RPAP1: variants seen among roughly 807,000 people sequenced by gnomAD.
RPAP1 encodes the protein RNA polymerase II-associated protein 1.
In RPAP1, 109 loss-of-function variants were observed where a neutral mutation model predicts 142.4. The observed-to-expected ratio is 0.77, with a 90% CI of 0.66 to 0.90. The LOEUF (loss-of-function observed/expected upper bound fraction) is 0.90, where lower values mean the gene tolerates loss of function less well. RPAP1 is among the 40% of genes least tolerant of loss of function. The pLI is 0.00. For synonymous variants in RPAP1, 704 were observed against 738.9 expected (o/e 0.95, Z 0.77); for missense variants, 1,546 against 1,751.7 (o/e 0.88, Z 2.10).
chr15:41,527,428 T>C lies in RPAP1; in HGVS notation c.1606A>G (p.Ile536Val). 1 of 1,614,104 alleles carries C rather than the reference T, an allele frequency of 6.2e-7. No individual in the cohort carries two copies. The change falls in exon 12 of 25, where the codon ATC (isoleucine) becomes GTC (valine). Residue 536 changes from isoleucine to valine, a missense_variant. Ile to Val is a conservative substitution (Grantham distance 29, BLOSUM62 3). This residue lies in a region of RPAP1 where 1,333 missense variants were observed against 1,486.6 expected (regional missense o/e 0.90). Transcript: ENST00000304330. Reference protein sequence around the residue: ...PPPDLARHDVIKGLLATSLLP... With the variant: ...PPPDLARHDVVKGLLATSLLP... ...GAAAGAAGCTGTCCCTTTACCTTGA[T>C]GACATCATGTCGGGCCAGGTCAGGT...
intron 19 of RPAP1, 127 bp downstream of exon 19, chr15:41,522,638 C>A (rs2051740239): frequency 2.4e-6 from 2 of 827,914 alleles, no homozygotes; most frequent in Non-Finnish European, 3.6e-6. Context: ...GATCTGCCCA[C>A]CTCGGCCTCC....
At chr15:41,519,383 A>AT (rs773335373) in intron 22 of RPAP1, among the ~76,000 whole-genome samples, 30 of 148,552 alleles carry the variant, frequency 2.0e-4, no homozygotes, top group African/African-American at 5.2e-4. Context: ...AATTTTTTGT[A>AT]TTTTTTTTTA....
rs1489913571 is a variant in RPAP1, at chr15:41,524,083, G to C, written c.2234+13C>G. 4 of 1,590,730 alleles carry C rather than the reference G, an allele frequency of 2.5e-6. No individual in the cohort carries two copies. The highest frequency in any genetic ancestry group is 3.4e-6 in the Non-Finnish European group (4 of 1,165,484). On this transcript the variant is annotated intron_variant, in intron 16 of 24. Transcript: ENST00000304330. ...GCCCTCCACCTGTCCTGTGGGTCCTGGCTATAAACTACCTGATGGTTTCAG... is the reference window on the plus strand; with the variant it reads ...GCCCTCCACCTGTCCTGTGGGTCCTCGCTATAAACTACCTGATGGTTTCAG...
intron 1 of RPAP1, 77 bp from the exon 2 acceptor site, chr15:41,537,278 T>C (rs1410432393): frequency 2.8e-6 from 2 of 725,346 alleles, no homozygotes; most frequent in Non-Finnish European, 4.5e-6. Context: ...AAGATCTTCT[T>C]TATCCTTGGG....
intron 6 of RPAP1, among the ~76,000 whole-genome samples, chr15:41,531,975 C>T (rs1173231772): frequency 1.3e-5 from 2 of 151,864 alleles, no homozygotes; most frequent in Non-Finnish European, 2.9e-5. Flanking sequence ...CCCGCCTCAG[C>T]CTCCCAAGTA....
intron 19 of RPAP1, chr15:41,522,467 C>T (rs562745399): frequency 7.2e-5 from 42 of 579,622 alleles, no homozygotes; most frequent in African/African-American, 2.6e-4. Flanking sequence ...CTCAGCTCAC[C>T]GCAGCCTCCG....
intron 1 of RPAP1, among the ~76,000 whole-genome samples, chr15:41,539,269 G>A (rs1348605427): frequency 6.6e-6 from 1 of 151,332 alleles, no homozygotes; most frequent in Non-Finnish European, 1.5e-5. Flanking sequence ...ACCACACTCA[G>A]CTAATTTTTG....
At chr15:41,536,310 A>G (rs1046196903) in intron 3 of RPAP1, 92 bp from the exon 4 acceptor site, 51 of 1,370,958 alleles carry the variant, frequency 3.7e-5, no homozygotes, top group Non-Finnish European at 4.9e-5. Context: ...AACGATGAGA[A>G]CCTCACTCTG....
In RPAP1 at chr15:41,529,396, G is replaced by A. The variant is rs529511791; in HGVS notation, c.1158+74C>T. 6 of 965,870 alleles carry A rather than the reference G, an allele frequency of 6.2e-6. No individual in the cohort carries two copies. In the Admixed American group the frequency reaches 8.2e-5, roughly 13 times the overall value. The allele number at this position is 965,870 out of a possible 1,614,324, so 59.8% of individuals were successfully genotyped here. ...AGAACAGGGCACACAGAAGGTCAAA[G>A]GCAGTTGACCAGAGATCCTTTTCCA... On this transcript the variant is annotated intron_variant, in intron 9 of 24. Coordinates refer to ENST00000304330, the MANE Select transcript of RPAP1 (RefSeq NM_015540.4).
rs750112979 is a variant in RPAP1, at chr15:41,527,057, G to A, written c.1758C>T (p.Cys586=). The A allele has an allele frequency of 7.4e-6, 12 of 1,614,150 alleles. No individual in the cohort carries two copies. The highest frequency in any genetic ancestry group is 1.6e-4 in the Middle Eastern group (1 of 6,062). ...SLESATRVLE[C]PRLIETIVRE... is the part of the protein sequence containing the mutation. ...GAACTATAGTCTCTATCAGCCGAGGGCACTCCAGGACCTATGGGAGACAGG... is the reference window on the plus strand; with the variant it reads ...GAACTATAGTCTCTATCAGCCGAGGACACTCCAGGACCTATGGGAGACAGG... Residue 586 remains cysteine (C), a synonymous_variant, in exon 14 of 25, where the codon TGC becomes TGT. Coordinates refer to ENST00000304330, the MANE Select transcript of RPAP1 (RefSeq NM_015540.4).
At position 41,534,766 on chromosome 15, in the gene RPAP1, G is replaced by A; in HGVS notation, c.711C>T (p.Ala237=). 1.9e-6 allele frequency: 3 copies of A among 1,614,046 alleles called. No individual in the cohort carries two copies. The highest frequency in any genetic ancestry group is 2.5e-6 in the Non-Finnish European group (3 of 1,180,020). The change falls in exon 6 of 25, where the codon GCC becomes GCT. Residue 237 remains alanine, a synonymous_variant. Coordinates refer to ENST00000304330, the MANE Select transcript of RPAP1 (RefSeq NM_015540.4). Reference sequence around the variant, plus strand: ...CCTGCAGGATCTCCTCAGGAGCCATGGCCTGCAGTCTTGCTATGTTCTCTT... The same window carrying A: ...CCTGCAGGATCTCCTCAGGAGCCATAGCCTGCAGTCTTGCTATGTTCTCTT... ...IHEENIARLQ[A]MAPEEILQEQ... is the part of the protein sequence containing the mutation.
At chr15:41,528,493 T>C (rs1595484519) in intron 9 of RPAP1, among the ~76,000 whole-genome samples, 157 bp from the exon 10 acceptor site, 1 of 152,144 alleles carries the variant, frequency 6.6e-6, no homozygotes, top group East Asian at 1.9e-4. Context: ...TGCATACAAG[T>C]AACCATGCCA....
Position 41,523,963 on chromosome 15 carries a change from A to C in RPAP1, c.2244T>G (p.Ala748=). The change falls in exon 17 of 25, where the codon GCT becomes GCG. Residue 748 remains alanine (A), a synonymous_variant. Coordinates refer to ENST00000304330, the MANE Select transcript of RPAP1 (RefSeq NM_015540.4). The part of the protein sequence containing the change: ...STPAETISDS[A]EASLSATPSL... Reference sequence around the variant, plus strand: ...AAGGGGTGGCCGAGAGGCTGGCCTCAGCAGAATCACTACAAAAGTGCCAAA... The same window carrying C: ...AAGGGGTGGCCGAGAGGCTGGCCTCCGCAGAATCACTACAAAAGTGCCAAA... The C allele has an allele frequency of 6.2e-7, 1 of 1,613,224 alleles. No individual in the cohort carries two copies. The highest frequency in any genetic ancestry group is 1.1e-5 in the South Asian group (1 of 90,792).
intron 14 of RPAP1, 66 bp from the exon 15 acceptor site, chr15:41,525,214 G>T: frequency 6.9e-7 from 1 of 1,446,832 alleles, no homozygotes; most frequent in Non-Finnish European, 9.3e-7. Flanking sequence ...ACTCTCAGCT[G>T]GACAGAGAGT....
intron 15 of RPAP1, 53 bp downstream of exon 15, chr15:41,524,938 G>A: frequency 6.3e-7 from 1 of 1,583,886 alleles, no homozygotes; most frequent in Non-Finnish European, 8.6e-7. Flanking sequence ...GATTTGGCCA[G>A]AAGAGCAGAA....
At chr15:41,523,444 G>T in intron 17 of RPAP1, 90 bp from the exon 18 acceptor site, 1 of 838,312 alleles carries the variant, frequency 1.2e-6, no homozygotes, top group Non-Finnish European at 1.9e-6. Flanking sequence ...CATCCCAACA[G>T]CCCAAAAGAG....
In RPAP1 at chr15:41,518,005, C is replaced by T; in HGVS notation, c.3972+1G>A. 1 of 1,614,184 alleles carries T rather than the reference C, an allele frequency of 6.2e-7. No homozygotes were observed. The highest frequency in any genetic ancestry group is 8.5e-7 in the Non-Finnish European group (1 of 1,180,012). On this transcript the variant is annotated splice_donor_variant, in intron 23 of 24. Transcript: ENST00000304330. LOFTEE classifies it high-confidence loss of function. ...CCTCTGAAGATGGAGATGTAACTTA[C>T]TGAGCTCTGTGGGTCCTGAGAGAAG...
chr15:41,522,236 C>A lies in RPAP1; in HGVS notation c.2757G>T (p.Leu919Phe). The change falls in exon 20 of 25, where the codon TTG (leucine) becomes TTT (phenylalanine). Residue 919 changes from leucine to phenylalanine, a missense_variant. By Grantham distance (22) the Leu-to-Phe change is conservative. Around this residue, in one of 3 missense-constraint regions of RPAP1, gnomAD observed 1,333 missense variants for 1,486.6 expected, o/e 0.90. Coordinates refer to ENST00000304330, the MANE Select transcript of RPAP1 (RefSeq NM_015540.4). The stretch of plus-strand genomic sequence containing the variant: ...AGTAATTCTGGAGTCCCGGGGCAGC[C>A]AATATGGCAGCCAGCTGAGGAAAAG... ...KGLCGQLAAI[L>F]AAPGLQNYFL... is the part of the protein sequence containing the mutation. 1.2e-6 allele frequency: 2 copies of A among 1,613,888 alleles called. No individual in the cohort carries two copies. The highest frequency in any genetic ancestry group is 1.7e-6 in the Non-Finnish European group (2 of 1,179,992).
chr15:41,531,404 C>T (rs756221078), intron 6 of RPAP1, among the ~76,000 whole-genome samples: 9 of 151,816 alleles, frequency 5.9e-5, no homozygotes, highest in Non-Finnish European at 8.8e-5. Flanking sequence ...ACTAGGCCCA[C>T]CTGCCCACCT....
Sources: allele counts gnomAD v4.1 joint callset (sites outside exome capture counted in the v4.1 genomes callset), GRCh38; gene constraint gnomAD v4.1.1; regional missense constraint gnomAD v4.1.1; transcripts MANE v1.5; gene names NCBI Gene and HGNC (gene_info 2026-07-23, HGNC 2026-07-21).